The following MCPH1 variants were observed in gnomAD, a reference collection of about 807,000 sequenced individuals.
The protein encoded by MCPH1 is microcephalin.
In MCPH1, 104 loss-of-function variants were observed where a neutral mutation model predicts 84.5. The ratio of observed to expected loss-of-function variants is 1.23; its 90% CI spans 1.05 to 1.45. The LOEUF (loss-of-function observed/expected upper bound fraction) is 1.45. Among genes scored for constraint, MCPH1 ranks in the 40% most tolerant of loss-of-function variants. MCPH1 has a pLI of 0.00. For synonymous variants in MCPH1, 514 were observed against 366.8 expected (o/e 1.40, Z -4.58); for missense variants, 1,498 against 1,005.7 (o/e 1.49, Z -6.62).
intron 13 of MCPH1, among the ~76,000 whole-genome samples, chr8:6,630,430 T>C (rs1406735952): frequency 6.6e-6 from 1 of 152,112 alleles, no homozygotes; most frequent in African/African-American, 2.4e-5. Context: ...TTACCAAAAT[T>C]GATTCAAGAA....
chr8:6,407,145 C>A (rs979695794), intron 1 of MCPH1: 1 of 232,386 alleles, frequency 4.3e-6, no homozygotes, highest in East Asian at 1.3e-4. Context: ...GAGTCCTGCC[C>A]TCCGGAAGTT....
At chr8:6,416,915 A>T (rs776594610) in intron 3 of MCPH1, among the ~76,000 whole-genome samples, 55 of 151,858 alleles carry the variant, frequency 3.6e-4, no homozygotes, top group Non-Finnish European at 7.8e-4. Flanking sequence ...AATCACTTGA[A>T]CCTGGGAGAC....
chr8:6,431,749 A>G lies in MCPH1; in HGVS notation c.321+163A>G, dbSNP rs77310992. ...CATAGCATTTTTAAGTGAATTACAG[A>G]GATTATTTTATCCTATGACTTCTTC... On this transcript the variant is annotated intron_variant, in intron 4 of 13. Coordinates refer to ENST00000344683, the MANE Select transcript of MCPH1 (RefSeq NM_024596.5). Among the ~76,000 whole-genome samples, 10,277 of 152,226 alleles carry G rather than the reference A, an allele frequency of 0.068. 863 individuals are homozygous for G. The highest frequency in any genetic ancestry group is 0.2 in the African/African-American group (8,190 of 41,496).
intron 12 of MCPH1, among the ~76,000 whole-genome samples, chr8:6,532,979 G>A (rs1485343162): frequency 6.6e-6 from 1 of 152,224 alleles, no homozygotes; most frequent in Non-Finnish European, 1.5e-5. Flanking sequence ...TATAAGGAGA[G>A]GAGCACCCTT....
At chr8:6,549,685 G>T (rs922615702) in intron 12 of MCPH1, among the ~76,000 whole-genome samples, 5 of 139,090 alleles carry the variant, frequency 3.6e-5, no homozygotes, top group Non-Finnish European at 6.1e-5. Flanking sequence ...GAAGCCTTCC[G>T]TATCGAGCTG....
intron 12 of MCPH1, among the ~76,000 whole-genome samples, chr8:6,611,695 T>G (rs1830284137): frequency 6.6e-6 from 1 of 152,142 alleles, no homozygotes; most frequent in Non-Finnish European, 1.5e-5. Context: ...CTCAGCTCCC[T>G]GCAAGCTCCG....
intron 13 of MCPH1, among the ~76,000 whole-genome samples, chr8:6,627,662 G>A (rs558316903): frequency 1.1e-4 from 16 of 152,270 alleles, no homozygotes; most frequent in South Asian, 4.1e-4. Flanking sequence ...AGGCCGAGGC[G>A]GGTGGGTCGT....
chr8:6,607,557 T>A (rs895444718), intron 12 of MCPH1, among the ~76,000 whole-genome samples: 4 of 152,240 alleles, frequency 2.6e-5, no homozygotes, highest in Non-Finnish European at 4.4e-5. Flanking sequence ...ATGGTTTGGC[T>A]GTGTCCCTAC....
intron 13 of MCPH1, among the ~76,000 whole-genome samples, chr8:6,636,621 A>C (rs1797574845): frequency 3.9e-5 from 6 of 152,206 alleles, no homozygotes. Flanking sequence ...CTGGGACTAC[A>C]GTCATGCTGT....
At chr8:6,595,955 G>A (rs535973491) in intron 12 of MCPH1, among the ~76,000 whole-genome samples, 17 of 152,344 alleles carry the variant, frequency 1.1e-4, no homozygotes, top group Admixed American at 2.0e-4. Context: ...GCCTGTGAGC[G>A]TCAGATGAAG....
chr8:6,548,698 C>T (rs897207977), intron 12 of MCPH1, among the ~76,000 whole-genome samples: 2 of 152,172 alleles, frequency 1.3e-5, no homozygotes, highest in Non-Finnish European at 2.9e-5. Context: ...TCCTCGTGCT[C>T]ACAGAAGCAA....
intron 12 of MCPH1, among the ~76,000 whole-genome samples, chr8:6,571,179 G>A (rs924111555): frequency 6.6e-6 from 1 of 152,148 alleles, no homozygotes; most frequent in Non-Finnish European, 1.5e-5. Context: ...GGATACAATT[G>A]TAAAACAATA....
intron 9 of MCPH1, among the ~76,000 whole-genome samples, chr8:6,467,378 A>C (rs990580929): frequency 2.0e-5 from 3 of 152,148 alleles, no homozygotes; most frequent in Non-Finnish European, 4.4e-5. Flanking sequence ...TTCATTTTAA[A>C]GTATATTTGC....
At chr8:6,474,033 C>G (rs183693089) in intron 9 of MCPH1, 2 of 833,794 alleles carry the variant, frequency 2.4e-6, no homozygotes, top group Admixed American at 3.7e-5. Flanking sequence ...TCATTATAAC[C>G]CCTCATTTGA....
intron 9 of MCPH1, among the ~76,000 whole-genome samples, chr8:6,455,648 T>C (rs1210461922): frequency 2.0e-5 from 3 of 152,138 alleles, no homozygotes; most frequent in Non-Finnish European, 4.4e-5. Flanking sequence ...GCCATCAGAG[T>C]GAAAGGTTTA....
rs185459442 is a variant in MCPH1, at chr8:6,492,679, T to C, written c.2137-7173T>C. On this transcript the variant is annotated intron_variant, in intron 11 of 13. Transcript: ENST00000344683. The stretch of plus-strand genomic sequence containing the variant: ...AATAGTTAATATTAAATTTTTAGAA[T>C]ATTAAAATTTAAAATTTTTTTAAAA... 3.2e-3 allele frequency among the ~76,000 whole-genome samples: 469 copies of C among 147,750 alleles called. 4 individuals carry two copies. The highest frequency in any genetic ancestry group is 0.011 in the African/African-American group (442 of 40,930).
At chr8:6,487,592 G>C (rs1810085541) in intron 11 of MCPH1, among the ~76,000 whole-genome samples, 1 of 152,182 alleles carries the variant, frequency 6.6e-6, no homozygotes, top group Non-Finnish European at 1.5e-5. Flanking sequence ...ACTCATGTTA[G>C]GAAGAATCTT....
At position 6,499,908 on chromosome 8, in the gene MCPH1, TCA is replaced by T. The variant is rs1468423334; in HGVS notation, c.2195_2196del (p.His732ProfsTer45). ...TTTCTGAGGAGCCGTTCGAACTGTCTCACCACTTCCCTGCAGCTCCCGTAAGT... is the reference window on the plus strand; with the variant it reads ...TTTCTGAGGAGCCGTTCGAACTGTCTCCACTTCCCTGCAGCTCCCGTAAGT... The part of the protein sequence containing the change: ...WISEEPFELS[H>X]HFPAAPLCRS... On this transcript the variant is annotated frameshift_variant, in exon 12 of 14. Transcript: ENST00000344683. LOFTEE classifies it high-confidence loss of function. 2 of 1,613,642 alleles carry T rather than the reference TCA, an allele frequency of 1.2e-6. No homozygotes were observed. The highest frequency in any genetic ancestry group is 3.3e-5 in the Admixed American group (2 of 59,998).
Position 6,571,396 on chromosome 8 carries a change from T to C in MCPH1, c.2215-50058T>C, listed in dbSNP as rs567102582. Among the ~76,000 whole-genome samples the C allele has an allele frequency of 2.0e-5, 3 of 152,334 alleles. No individual in the cohort carries two copies. In the East Asian group the frequency reaches 5.8e-4, roughly 29 times the overall value. ...GTGGGCTTATTTGTTATAAGTCACA[T>C]TAAATGTTCCCAAATCCATTTCATA... On this transcript the variant is annotated intron_variant, in intron 12 of 13. Transcript: ENST00000344683.
Sources: allele counts gnomAD v4.1 joint callset (sites outside exome capture counted in the v4.1 genomes callset), GRCh38; gene constraint gnomAD v4.1.1; transcripts MANE v1.5; gene names NCBI Gene and HGNC (gene_info 2026-07-23, HGNC 2026-07-21).